Variants in ATAD3A observed in about 807,000 individuals in gnomAD.
ATAD3A encodes the protein ATPase family AAA domain containing 3A, also known as ATPase family AAA domain-containing protein 3A.
A neutral mutation model predicts 73.8 loss-of-function variants in ATAD3A; 46 were observed. That is an observed-to-expected ratio of 0.62 (90% CI 0.49 to 0.80). ATAD3A has a LOEUF of 0.80. Ranked by LOEUF, ATAD3A falls within the 30% of genes least tolerant of loss-of-function variation. The pLI is 0.00. For synonymous variants in ATAD3A, 319 were observed against 350.0 expected (o/e 0.91, Z 0.99); for missense variants, 705 against 838.0 (o/e 0.84, Z 1.96).
chr1:1,514,375 G>A (rs1423223049), intron 1 of ATAD3A, among the ~76,000 whole-genome samples: 2 of 152,292 alleles, frequency 1.3e-5, no homozygotes, highest in South Asian at 2.1e-4. Context: ...CAGTCCCCTC[G>A]GGGTCAGAGT....
At position 1,523,010 on chromosome 1, in the gene ATAD3A, G is replaced by A. The variant is rs180735117; in HGVS notation, c.906+111G>A. ...CGTCCCTTCCCTTTCCCCGGATAAC[G>A]GGCACCCGCACACTGCTTCACGGGT... On this transcript the variant is annotated intron_variant, in intron 8 of 15. Coordinates refer to ENST00000378756, the MANE Select transcript of ATAD3A (RefSeq NM_001170535.3). The surrounding 1 kb of genome is among the most constrained non-coding windows in gnomAD (Gnocchi z 5.1). The A allele has an allele frequency of 0.014, 21,074 of 1,487,738 alleles. 567 individuals are homozygous for A. The highest frequency in any genetic ancestry group is 0.1 in the African/African-American group (6,637 of 66,088). The allele number at this position is 1,487,738 out of a possible 1,614,324, so 92.2% of individuals were successfully genotyped here.
chr1:1,526,332 T>G, intron 12 of ATAD3A, 129 bp from the exon 13 acceptor site: 45 of 1,541,984 alleles, frequency 2.9e-5, no homozygotes, highest in East Asian at 7.0e-5. Flanking sequence ...GTCAGGCTTT[T>G]GAGAGTAGAT....
chr1:1,515,988 C>T (rs1166611553), intron 1 of ATAD3A, 24 bp from the exon 2 acceptor site: 2 of 1,613,694 alleles, frequency 1.2e-6, no homozygotes, highest in South Asian at 2.2e-5. Flanking sequence ...CTAACACCTG[C>T]CCTCCGTGTC....
At chr1:1,521,724 A>G (rs561171804) in intron 7 of ATAD3A, among the ~76,000 whole-genome samples, 1 of 152,352 alleles carries the variant, frequency 6.6e-6, no homozygotes, top group South Asian at 2.1e-4. Flanking sequence ...TTTTAGAGAC[A>G]GGGTCTTGCT....
intron 15 of ATAD3A, among the ~76,000 whole-genome samples, chr1:1,530,829 A>G (rs1642007552): frequency 1.6e-5 from 1 of 62,572 alleles, no homozygotes; most frequent in Non-Finnish European, 2.3e-5. Flanking sequence ...ACTCCGTCTC[A>G]AAAAAAAAAA....
At chr1:1,521,129 C>T (rs1009384275) in intron 7 of ATAD3A, among the ~76,000 whole-genome samples, 10 of 151,626 alleles carry the variant, frequency 6.6e-5, no homozygotes, top group African/African-American at 2.4e-4. Context: ...AACCCCGTCT[C>T]TACTAAAAAA....
Position 1,512,398 on chromosome 1 carries a change from A to T in ATAD3A, c.130A>T (p.Lys44Ter). 3 of 1,237,300 alleles carry T rather than the reference A, an allele frequency of 2.4e-6. No homozygotes were observed. Among genetic ancestry groups the T allele is most frequent in the Non-Finnish European group, 3.0e-6 (3 of 986,052 alleles). The allele number at this position is 1,237,300 out of a possible 1,614,324, so 76.6% of individuals were successfully genotyped here. Residue 44 changes from lysine to a stop codon, truncating the protein, a stop_gained, in exon 1 of 16, where the codon AAG becomes TAG. Coordinates refer to ENST00000378756, the MANE Select transcript of ATAD3A (RefSeq NM_001170535.3). LOFTEE classifies it high-confidence loss of function. ...DRGLGDRPAPKDKWSNFDPTG... is the reference protein window; with the variant it reads ...DRGLGDRPAP ...CGGGTTGGGAGACCGGCCGGCGCCC[A>T]AGGACAAATGGAGCAACTTCGACCC...
At chr1:1,518,164 G>A (rs1481696905) in intron 4 of ATAD3A, among the ~76,000 whole-genome samples, 2 of 142,396 alleles carry the variant, frequency 1.4e-5, no homozygotes, top group Admixed American at 7.1e-5. Flanking sequence ...CACACAACAC[G>A]GGCAGGCACA....
At chr1:1,522,424 A>G (rs1332968896) in intron 7 of ATAD3A, among the ~76,000 whole-genome samples, 27 of 152,288 alleles carry the variant, frequency 1.8e-4, no homozygotes, top group Non-Finnish European at 3.5e-4. Flanking sequence ...AGTGGCCAAG[A>G]ATGTACCAGA....
chr1:1,526,100 A>G (rs1641833902), intron 12 of ATAD3A, among the ~76,000 whole-genome samples: 1 of 150,650 alleles, frequency 6.6e-6, no homozygotes, highest in African/African-American at 2.5e-5. Context: ...TCAGCTCACT[A>G]CAACCTCTGC....
chr1:1,534,202 A>AGGATGTCT lies in ATAD3A; in HGVS notation c.*131_*138dup. The AGGATGTCT allele has an allele frequency of 6.5e-7, 1 of 1,542,872 alleles. No homozygotes were observed. On this transcript the variant is annotated 3_prime_UTR_variant, in exon 16 of 16. Transcript: ENST00000378756. ...GCTGTGCCCAGGGCCTCTGTCCCCC[A>AGGATGTCT]GGATGTCTTGTGGTGCGGGTCGGCC...
intron 7 of ATAD3A, among the ~76,000 whole-genome samples, chr1:1,521,812 G>A (rs190186199): frequency 6.6e-6 from 1 of 152,200 alleles, no homozygotes; most frequent in Admixed American, 6.5e-5. Flanking sequence ...CAGTTCTCCT[G>A]CCTCAGCCTC....
intron 7 of ATAD3A, among the ~76,000 whole-genome samples, chr1:1,521,504 C>T (rs1641598946): frequency 6.6e-6 from 1 of 152,104 alleles, no homozygotes; most frequent in African/African-American, 2.4e-5. Flanking sequence ...CCGTCCCCAC[C>T]CCGCCCAGCA....
In ATAD3A at chr1:1,534,209, C is replaced by T. The variant is rs1437403273; in HGVS notation, c.*137C>T. 1.4e-5 allele frequency: 22 copies of T among 1,525,618 alleles called. No individual in the cohort carries two copies. Among genetic ancestry groups the T allele is most frequent in the African/African-American group, 2.8e-5 (2 of 71,108 alleles). 94.5% of individuals were successfully genotyped at this position (1,525,618 alleles called of 1,614,324 possible). A position where few individuals can be genotyped will look rare whatever the true frequency, so the allele number is the denominator to read the frequency against. On this transcript the variant is annotated 3_prime_UTR_variant, in exon 16 of 16. Coordinates refer to ENST00000378756, the MANE Select transcript of ATAD3A (RefSeq NM_001170535.3). ...CCAGGGCCTCTGTCCCCCAGGATGT[C>T]TTGTGGTGCGGGTCGGCCGTTCTGC...
chr1:1,521,408 T>G lies in ATAD3A; in HGVS notation c.750+791T>G, dbSNP rs559732969. Among the ~76,000 whole-genome samples the G allele has an allele frequency of 5.9e-5, 9 of 151,742 alleles. No homozygotes were observed. The South Asian group carries it at 1.2e-3, about 21-fold the overall frequency. On this transcript the variant is annotated intron_variant, in intron 7 of 15. Transcript: ENST00000378756. ...ACCCTGAGAGTTTGAAGTTCACAGA[T>G]TCTTCTCTCGTTTAAAGCCTCACTC...
chr1:1,525,416 T>C, intron 12 of ATAD3A, 125 bp downstream of exon 12: 2 of 975,326 alleles, frequency 2.1e-6, no homozygotes, highest in East Asian at 3.2e-5. Flanking sequence ...AAAACAGCTT[T>C]TTTTTTTTTT....
At position 1,522,730 on chromosome 1, in the gene ATAD3A, TG is replaced by T. The variant is rs760427399; in HGVS notation, c.751-13del. ...GGTGGGGGCCGGTGCGCCAGTGCGG[TG>T]TCTCTGCTGCAGGTGGCTGGGCTGA... is the stretch of plus-strand genomic sequence containing the variant. On this transcript the variant is annotated splice_polypyrimidine_tract_variant and intron_variant, in intron 7 of 15. Coordinates refer to ENST00000378756, the MANE Select transcript of ATAD3A (RefSeq NM_001170535.3). The T allele has an allele frequency of 4.4e-5, 71 of 1,611,728 alleles. No individual in the cohort carries two copies. The highest frequency in any genetic ancestry group is 5.8e-5 in the Non-Finnish European group (69 of 1,179,600).
intron 12 of ATAD3A, 55 bp downstream of exon 12, chr1:1,525,346 C>T: frequency 6.2e-7 from 1 of 1,605,496 alleles, no homozygotes; most frequent in South Asian, 1.1e-5. Context: ...GCACAGCCGT[C>T]TGCCTGGGCC....
Position 1,512,611 on chromosome 1 carries a change from C to T in ATAD3A, c.205+138C>T, listed in dbSNP as rs570136220. On this transcript the variant is annotated intron_variant, in intron 1 of 15. Transcript: ENST00000378756. ...ACTGCGCCCCCGGAGCACCCCCGGC[C>T]GGAGCCGTGTCGCGTGCCGGGAGGA... 7.8e-6 allele frequency: 11 copies of T among 1,409,720 alleles called. No homozygotes were observed. The East Asian group carries it at 1.5e-4, about 19-fold the overall frequency. The allele number at this position is 1,409,720 out of a possible 1,614,324, so 87.3% of individuals were successfully genotyped here. A position where few individuals can be genotyped will look rare whatever the true frequency, so the allele number is the denominator to read the frequency against.
Sources: gnomAD v4.1 joint callset for allele counts (sites outside exome capture counted in the v4.1 genomes callset) on GRCh38, gnomAD v4.1.1 for gene constraint, Gnocchi (gnomAD v3.1) non-coding constraint, MANE v1.5 for transcripts, NCBI Gene and HGNC (gene_info 2026-07-23, HGNC 2026-07-21) for gene names.